STS: variants seen among roughly 807,000 people sequenced by gnomAD.
STS encodes steryl-sulfatase.
A neutral mutation model predicts 26.8 loss-of-function variants in STS; 7 were observed. The ratio of observed to expected loss-of-function variants is 0.26; its 90% CI spans 0.15 to 0.49. The LOEUF (loss-of-function observed/expected upper bound fraction) is 0.49. Among genes scored for constraint, STS ranks in the 20% least tolerant of loss-of-function variants. STS has a pLI of 0.98. For synonymous variants in STS, 199 were observed against 189.4 expected (o/e 1.05, Z -0.42); for missense variants, 434 against 465.6 (o/e 0.93, Z 0.63).
chrX:7,175,090 G>A (rs1441577727), intron 1 of STS, among the ~76,000 whole-genome samples: 1 of 105,923 alleles, frequency 9.4e-6, no homozygotes, highest in Non-Finnish European at 1.9e-5. Flanking sequence ...CATGGAGACA[G>A]TGTTCATATC....
chrX:7,149,610 A>G (rs1282408770), intron 1 of STS, among the ~76,000 whole-genome samples: 1 of 111,985 alleles, frequency 8.9e-6, no homozygotes, highest in Non-Finnish European at 1.9e-5. Flanking sequence ...TTTCTGTATT[A>G]GTTTACTACA....
At chrX:7,317,296 T>TC (rs375503944) in intron 8 of STS, among the ~76,000 whole-genome samples, 5 of 111,479 alleles carry the variant, frequency 4.5e-5, no homozygotes, top group Admixed American at 3.8e-4. Flanking sequence ...TTTTTTTTTT[T>TC]CTTTCCCCCA....
intron 8 of STS, among the ~76,000 whole-genome samples, chrX:7,323,388 C>G (rs1206061998): frequency 3.6e-5 from 4 of 110,812 alleles, no homozygotes; most frequent in African/African-American, 6.6e-5. Context: ...TCTTTCCCCC[C>G]TAGTAGTTCC....
At chrX:7,240,041 C>T (rs1467345442) in intron 2 of STS, among the ~76,000 whole-genome samples, 3 of 109,252 alleles carry the variant, frequency 2.7e-5, no homozygotes, top group East Asian at 2.9e-4. Flanking sequence ...AGCACCACCA[C>T]GCCCGGCAGA....
At chrX:7,298,748 G>A (rs1925785437) in intron 7 of STS, among the ~76,000 whole-genome samples, 3 of 109,016 alleles carry the variant, frequency 2.8e-5, no homozygotes, top group Admixed American at 1.0e-4. Flanking sequence ...TAAAATTCTA[G>A]CTTTAGCTGA....
In STS at chrX:7,148,071, T is replaced by A. The variant is rs374016250; in HGVS notation, c.-146T>A. 38 of 1,135,592 alleles carry A rather than the reference T, an allele frequency of 3.3e-5. No individual in the cohort carries two copies. Among genetic ancestry groups the A allele is most frequent in the Admixed American group, 5.5e-5 (2 of 36,118 alleles). The allele number at this position is 1,135,592 out of a possible 1,213,427, so 93.6% of individuals were successfully genotyped here. A position where few individuals can be genotyped will look rare whatever the true frequency, so the allele number is the denominator to read the frequency against. On this transcript the variant is annotated 5_prime_UTR_variant, in exon 1 of 11. It removes an upstream start codon present in the reference 5' UTR. Coordinates refer to ENST00000674429, the MANE Select transcript of STS (RefSeq NM_001320752.2). ...TACCCACCCAGAAGAAGTCCGTCCA[T>A]GTCAAAGATGAGGTGGGTGACGGGC...
At chrX:7,153,411 TTCCTCCTG>T (rs781287964) in intron 1 of STS, among the ~76,000 whole-genome samples, 26 of 98,059 alleles carry the variant, frequency 2.7e-4, no homozygotes, top group African/African-American at 9.9e-4. Context: ...TCCTCCTGTC[TTCCTCCTG>T]TCCTCCTCCT....
In STS at chrX:7,257,242, G is replaced by A. The variant is rs150111371; in HGVS notation, c.138G>A (p.Arg46=). The A allele has an allele frequency of 1.0e-4, 126 of 1,209,380 alleles. 1 individual carries two copies. In the African/African-American group the frequency reaches 1.4e-3, roughly 13 times the overall value. ...DPGCYGNKTI[R]TPNIDRLASG... ...AAATGCTATGATTCTTTTGTTCTAG[G>A]ACTCCCAATATCGACCGGTTGGCCA... The change falls in exon 4 of 11, where the codon AGG becomes AGA. Residue 46 remains arginine, a splice_region_variant and synonymous_variant. Coordinates refer to ENST00000674429, the MANE Select transcript of STS (RefSeq NM_001320752.2).
At chrX:7,254,956 G>A (rs1202903166) in intron 3 of STS, among the ~76,000 whole-genome samples, 4 of 111,874 alleles carry the variant, frequency 3.6e-5, no homozygotes, top group Non-Finnish European at 7.5e-5. Context: ...GTGCCATGGG[G>A]CGCTGGTTAT....
intron 2 of STS, among the ~76,000 whole-genome samples, chrX:7,202,858 C>G (rs1450496515): frequency 6.4e-5 from 7 of 110,094 alleles, no homozygotes; most frequent in African/African-American, 2.3e-4. Flanking sequence ...AAAGAGTTCC[C>G]TCTCTCTCTT....
chrX:7,324,185 G>C (rs148057227), intron 8 of STS, among the ~76,000 whole-genome samples: 1,524 of 110,280 alleles, frequency 0.014, 24 homozygotes, highest in African/African-American at 0.047. Context: ...GGGGTGAGGA[G>C]GCTTCAGGTC....
At chrX:7,273,796 G>A (rs1924400698) in intron 6 of STS, among the ~76,000 whole-genome samples, 1 of 110,718 alleles carries the variant, frequency 9.0e-6, no homozygotes, top group South Asian at 3.9e-4. Context: ...AAAAGAAATT[G>A]AATTCCTGCC....
chrX:7,153,181 CT>C (rs1404322746), intron 1 of STS, among the ~76,000 whole-genome samples: 1 of 111,660 alleles, frequency 9.0e-6, no homozygotes, highest in Non-Finnish European at 1.9e-5. Context: ...AGATTTAGGG[CT>C]CCTGACTCCA....
intron 2 of STS, among the ~76,000 whole-genome samples, chrX:7,205,105 T>C (rs1731239851): frequency 1.8e-5 from 2 of 111,226 alleles, no homozygotes. Flanking sequence ...GAAGAAGAAA[T>C]ATAAGATTTG....
intron 1 of STS, among the ~76,000 whole-genome samples, chrX:7,161,610 A>C (rs1364963911): frequency 8.9e-6 from 1 of 112,318 alleles, no homozygotes; most frequent in East Asian, 2.8e-4. Flanking sequence ...AATTATAATG[A>C]ATTAAGATGT....
intron 6 of STS, among the ~76,000 whole-genome samples, chrX:7,267,990 C>G (rs1249527865): frequency 3.6e-5 from 4 of 111,043 alleles, no homozygotes; most frequent in Non-Finnish European, 7.5e-5. Context: ...TAATCTCTGA[C>G]TTCCCGGAGT....
chrX:7,161,819 C>G (rs1933251209), intron 1 of STS, among the ~76,000 whole-genome samples: 1 of 111,702 alleles, frequency 9.0e-6, no homozygotes, highest in Non-Finnish European at 1.9e-5. Context: ...TGTAGGTACT[C>G]TTTGTCTCAA....
At chrX:7,325,220 G>T (rs1927362131) in intron 8 of STS, 119 bp from the exon 9 acceptor site, 4 of 720,338 alleles carry the variant, frequency 5.6e-6, no homozygotes, top group Non-Finnish European at 8.6e-6. Flanking sequence ...CTCATAGATG[G>T]AATCTATGTA....
chrX:7,215,116 TAC>T (rs112212398), intron 2 of STS, among the ~76,000 whole-genome samples: 95 of 80,743 alleles, frequency 1.2e-3, no homozygotes, highest in African/African-American at 1.4e-3. Flanking sequence ...TACACATATA[TAC>T]ACACACACAC....
Sources: allele counts gnomAD v4.1 joint callset (sites outside exome capture counted in the v4.1 genomes callset), GRCh38; gene constraint gnomAD v4.1.1; transcripts MANE v1.5; gene names NCBI Gene and HGNC (gene_info 2026-07-23, HGNC 2026-07-21).